SNCAIP: variants seen among roughly 807,000 people sequenced by gnomAD.
SNCAIP encodes the protein synphilin-1.
A neutral mutation model predicts 86.7 loss-of-function variants in SNCAIP; 43 were observed. That is an observed-to-expected ratio of 0.50 (90% CI 0.39 to 0.64). The LOEUF is 0.64. Ranked by LOEUF, SNCAIP falls within the 30% of genes least tolerant of loss-of-function variation. SNCAIP has a pLI of 0.00. For missense variants in SNCAIP, 981 were observed against 1,103.1 expected, an observed-to-expected ratio of 0.89 and a Z score of 1.57; for synonymous variants, 417 against 427.2, an observed-to-expected ratio of 0.98 and a Z score of 0.29.
At chr5:122,448,985 C>T (rs1001411580) in intron 8 of SNCAIP, among the ~76,000 whole-genome samples, 4 of 150,764 alleles carry the variant, frequency 2.7e-5, no homozygotes, top group Non-Finnish European at 4.4e-5. Flanking sequence ...CACTGCAGTC[C>T]GGCCTGGGCA....
intron 2 of SNCAIP, among the ~76,000 whole-genome samples, chr5:122,395,418 A>C (rs1465538884): frequency 6.6e-6 from 1 of 152,214 alleles, no homozygotes. Flanking sequence ...TGGCAATTGC[A>C]TAAACTATTT....
chr5:122,425,324 G>C (rs1461518771), intron 4 of SNCAIP, 28 bp from the exon 5 acceptor site: 3 of 1,583,428 alleles, frequency 1.9e-6, no homozygotes. Context: ...TTATTGACTT[G>C]GGTTTTCTAA....
At chr5:122,315,060 A>G (rs1447670610) in intron 1 of SNCAIP, among the ~76,000 whole-genome samples, 2 of 152,240 alleles carry the variant, frequency 1.3e-5, no homozygotes, top group South Asian at 4.1e-4. Context: ...CTTAAATGTT[A>G]TATCAGTTAT....
chr5:122,433,110 G>A (rs894769997), intron 6 of SNCAIP, among the ~76,000 whole-genome samples: 2 of 111,054 alleles, frequency 1.8e-5, no homozygotes, highest in Non-Finnish European at 3.9e-5. Context: ...GTAACTTCTA[G>A]TAGTGTGTGT....
In SNCAIP at chr5:122,387,755, G is replaced by C. The variant is rs759641242; in HGVS notation, c.-46-3334G>C. 2.6e-5 allele frequency among the ~76,000 whole-genome samples: 4 copies of C among 152,220 alleles called. No homozygotes were observed. The East Asian group carries it at 7.7e-4, about 29-fold the overall frequency. ...GTGAAGGAAACATAATCCCCACTTC[G>C]TAACATTTTATTAAGTTTGCAAAGG... On this transcript the variant is annotated intron_variant, in intron 1 of 10. Coordinates refer to ENST00000261368, the MANE Select transcript of SNCAIP (RefSeq NM_005460.4).
chr5:122,331,657 T>TAA (rs1054214102), intron 1 of SNCAIP, among the ~76,000 whole-genome samples: 1 of 152,230 alleles, frequency 6.6e-6, no homozygotes, highest in African/African-American at 2.4e-5. Flanking sequence ...GCCCACTTTC[T>TAA]AGTTCGTAGC....
rs148194347 is a variant in SNCAIP, at chr5:122,438,365, G to A, written c.1297-2264G>A. Among the ~76,000 whole-genome samples the A allele has an allele frequency of 1.3e-3, 200 of 152,308 alleles. 1 individual carries two copies. In the Middle Eastern group the frequency reaches 0.017, roughly 13 times the overall value. Reference sequence around the variant, plus strand: ...CTCAGTTGTCCCACCATGAGTGAATGTGTGTGGGTGTGAGTGCACCCTGTG... The same window carrying A: ...CTCAGTTGTCCCACCATGAGTGAATATGTGTGGGTGTGAGTGCACCCTGTG... On this transcript the variant is annotated intron_variant, in intron 6 of 10. Transcript: ENST00000261368.
chr5:122,353,318 C>T (rs1382114371), intron 1 of SNCAIP, among the ~76,000 whole-genome samples: 1 of 151,138 alleles, frequency 6.6e-6, no homozygotes, highest in Non-Finnish European at 1.5e-5. Context: ...GGTAGGAGGA[C>T]AGTGACTGAA....
intron 1 of SNCAIP, among the ~76,000 whole-genome samples, chr5:122,343,670 G>T (rs1375519821): frequency 6.6e-6 from 1 of 152,266 alleles, no homozygotes; most frequent in East Asian, 1.9e-4. Context: ...TCTTGACCTC[G>T]GTCCTACTGA....
intron 3 of SNCAIP, 86 bp downstream of exon 3, chr5:122,403,951 C>T (rs533451226): frequency 3.0e-6 from 3 of 983,720 alleles, no homozygotes; most frequent in Non-Finnish European, 4.9e-6. Context: ...ACTGGTCCCC[C>T]CTGCTTTCAG....
intron 10 of SNCAIP, among the ~76,000 whole-genome samples, chr5:122,457,129 G>A (rs1784946716): frequency 6.6e-6 from 1 of 152,136 alleles, no homozygotes; most frequent in African/African-American, 2.4e-5. Context: ...AGCCTCCTGA[G>A]TAGCTAGGAT....
At chr5:122,410,400 T>C (rs1773876447) in intron 3 of SNCAIP, among the ~76,000 whole-genome samples, 1 of 152,234 alleles carries the variant, frequency 6.6e-6, no homozygotes. Flanking sequence ...AGATCATCTC[T>C]ACCTTTAACC....
intron 5 of SNCAIP, among the ~76,000 whole-genome samples, chr5:122,429,457 CA>C (rs368162956): frequency 0.018 from 2,557 of 143,004 alleles, 36 homozygotes; most frequent in African/African-American, 0.046. Context: ...GTAAACTGAC[CA>C]AAAAAAAAAA....
intron 3 of SNCAIP, among the ~76,000 whole-genome samples, chr5:122,412,405 T>C (rs1774329725): frequency 6.6e-6 from 1 of 152,212 alleles, no homozygotes. Context: ...ATTCTCATCT[T>C]TCTTGACCTG....
intron 2 of SNCAIP, among the ~76,000 whole-genome samples, chr5:122,402,758 C>T (rs1772095803): frequency 6.6e-6 from 1 of 152,138 alleles, no homozygotes; most frequent in Admixed American, 6.5e-5. Flanking sequence ...TAATGAGTTT[C>T]CTGTGATCAT....
chr5:122,431,306 G>A (rs1179810398), intron 5 of SNCAIP, among the ~76,000 whole-genome samples: 1 of 152,118 alleles, frequency 6.6e-6, no homozygotes, highest in Non-Finnish European at 1.5e-5. Context: ...AAAATTCATA[G>A]CAACTTTATT....
At chr5:122,360,939 A>G (rs1762078665) in intron 1 of SNCAIP, among the ~76,000 whole-genome samples, 1 of 152,160 alleles carries the variant, frequency 6.6e-6, no homozygotes, top group Admixed American at 6.6e-5. Context: ...AGCCACAAAA[A>G]ACTAGAACCA....
At chr5:122,428,446 C>G (rs1437084780) in intron 5 of SNCAIP, among the ~76,000 whole-genome samples, 1 of 152,104 alleles carries the variant, frequency 6.6e-6, no homozygotes, top group East Asian at 1.9e-4. Context: ...CCTTGAATAA[C>G]TAGAACTAAC....
At chr5:122,446,250 G>A (rs1581342276) in intron 8 of SNCAIP, among the ~76,000 whole-genome samples, 1 of 152,256 alleles carries the variant, frequency 6.6e-6, no homozygotes, top group Non-Finnish European at 1.5e-5. Context: ...TTTAAAATGT[G>A]GATAGATGTT....
Sources: allele counts gnomAD v4.1 joint callset (sites outside exome capture counted in the v4.1 genomes callset), GRCh38; gene constraint gnomAD v4.1.1; transcripts MANE v1.5; gene names NCBI Gene and HGNC (gene_info 2026-07-23, HGNC 2026-07-21).